EEFSEC: variants seen among roughly 807,000 people sequenced by gnomAD.
The protein encoded by EEFSEC is eukaryotic elongation factor, selenocysteine-tRNA specific.
EEFSEC carries 43 observed loss-of-function variants against 42.1 expected under a neutral mutation model. The ratio of observed to expected loss-of-function variants is 1.02; its 90% CI spans 0.80 to 1.32. The LOEUF is 1.32. EEFSEC is among the 40% of genes most tolerant of loss of function. EEFSEC has a pLI of 0.00. For missense variants in EEFSEC, 745 were observed against 803.6 expected (o/e 0.93, Z 0.88); for synonymous variants, 354 against 339.1 (o/e 1.04, Z -0.48).
chr3:128,324,747 T>C (rs1576638095), intron 4 of EEFSEC, among the ~76,000 whole-genome samples: 1 of 152,230 alleles, frequency 6.6e-6, no homozygotes, highest in Non-Finnish European at 1.5e-5. Context: ...CAATTCTTTT[T>C]GGTGGAGTTA....
intron 1 of EEFSEC, among the ~76,000 whole-genome samples, chr3:128,211,646 G>A (rs1210276558): frequency 6.6e-6 from 1 of 151,398 alleles, no homozygotes; most frequent in Non-Finnish European, 1.5e-5. Context: ...CCCCCAAGTA[G>A]CTGGGACTAC....
chr3:128,407,581 G>A (rs1056807090), intron 6 of EEFSEC, among the ~76,000 whole-genome samples: 1 of 152,182 alleles, frequency 6.6e-6, no homozygotes, highest in African/African-American at 2.4e-5. Flanking sequence ...AGGGAGCCAG[G>A]GATACACACC....
At chr3:128,326,969 A>G (rs895775428) in intron 4 of EEFSEC, among the ~76,000 whole-genome samples, 2 of 152,056 alleles carry the variant, frequency 1.3e-5, no homozygotes, top group African/African-American at 4.8e-5. Context: ...TGTTGTGTAA[A>G]TGTGTGAATG....
intron 6 of EEFSEC, among the ~76,000 whole-genome samples, chr3:128,375,678 G>A (rs1205250906): frequency 6.6e-6 from 1 of 152,176 alleles, no homozygotes; most frequent in African/African-American, 2.4e-5. Context: ...GGTCCTCAAT[G>A]TTCTCCTCCT....
intron 1 of EEFSEC, among the ~76,000 whole-genome samples, chr3:128,198,987 G>A (rs1328917216): frequency 1.3e-5 from 2 of 151,926 alleles, no homozygotes; most frequent in African/African-American, 2.4e-5. Flanking sequence ...ATGCGCCACC[G>A]CACCCAGCTA....
At chr3:128,193,167 A>T in intron 1 of EEFSEC, among the ~76,000 whole-genome samples, 1 of 152,196 alleles carries the variant, frequency 6.6e-6, no homozygotes, top group East Asian at 1.9e-4. Flanking sequence ...GACTTCACTT[A>T]TGCTGTCCTT....
At chr3:128,393,479 A>T (rs1025429189) in intron 6 of EEFSEC, among the ~76,000 whole-genome samples, 1 of 152,206 alleles carries the variant, frequency 6.6e-6, no homozygotes. Flanking sequence ...CTTGGAGCCC[A>T]GGCTTCTGAG....
chr3:128,333,895 G>T (rs2067161187), intron 4 of EEFSEC, among the ~76,000 whole-genome samples: 1 of 152,248 alleles, frequency 6.6e-6, no homozygotes, highest in Non-Finnish European at 1.5e-5. Context: ...GCCAGAAGGA[G>T]TATCGAGCTC....
chr3:128,413,906 G>A, the EEFSEC span, among the ~76,000 whole-genome samples: 1 of 152,240 alleles, frequency 6.6e-6, no homozygotes, highest in Non-Finnish European at 1.5e-5. Flanking sequence ...GTCCTGTGGA[G>A]CCACCTGAAG....
downstream of EEFSEC, among the ~76,000 whole-genome samples, chr3:128,413,630 ATG>A (rs1308287056): frequency 1.3e-5 from 2 of 152,108 alleles, no homozygotes; most frequent in Non-Finnish European, 2.9e-5. Context: ...ACTGGCCCCC[ATG>A]AGGGAGACAG....
At chr3:128,246,146 T>C (rs2066124323) in intron 1 of EEFSEC, among the ~76,000 whole-genome samples, 1 of 152,236 alleles carries the variant, frequency 6.6e-6, no homozygotes, top group Non-Finnish European at 1.5e-5. Context: ...TTTCCCTTCA[T>C]TCACTTTCTG....
At chr3:128,201,151 C>T (rs960655202) in intron 1 of EEFSEC, among the ~76,000 whole-genome samples, 1 of 152,014 alleles carries the variant, frequency 6.6e-6, no homozygotes, top group African/African-American at 2.4e-5. Flanking sequence ...ATACTAATTC[C>T]ATTTTCCTTC....
intron 1 of EEFSEC, among the ~76,000 whole-genome samples, chr3:128,154,174 C>T (rs776057197): frequency 6.6e-6 from 1 of 151,506 alleles, no homozygotes; most frequent in African/African-American, 2.4e-5. Flanking sequence ...GGTATACATA[C>T]AAAGGCTGTC....
At chr3:128,255,513 C>T (rs1226515816) in intron 2 of EEFSEC, among the ~76,000 whole-genome samples, 2 of 152,174 alleles carry the variant, frequency 1.3e-5, no homozygotes, top group Non-Finnish European at 2.9e-5. Flanking sequence ...GGTCTGGTGC[C>T]CCAGCCCCTC....
chr3:128,376,288 G>A (rs531993630), intron 6 of EEFSEC, among the ~76,000 whole-genome samples: 61 of 152,298 alleles, frequency 4.0e-4, no homozygotes, highest in African/African-American at 1.3e-3. Context: ...AGAAGTAGGC[G>A]GAAACAGCAG....
chr3:128,160,806 GCA>G lies in EEFSEC; in HGVS notation c.316+7001_316+7002del, dbSNP rs148477795. On this transcript the variant is annotated intron_variant, in intron 1 of 6. Transcript: ENST00000254730. ...CCACTGTGTGCGCACACACACGCGC[GCA>G]CACACACACACACACACGAATCCTA... is the stretch of plus-strand genomic sequence containing the variant. 5.4e-3 allele frequency among the ~76,000 whole-genome samples: 811 copies of G among 149,476 alleles called. 7 individuals are homozygous for G. The highest frequency in any genetic ancestry group is 0.017 in the African/African-American group (689 of 40,910).
At chr3:128,216,992 G>C (rs1036225539) in intron 1 of EEFSEC, among the ~76,000 whole-genome samples, 1 of 152,134 alleles carries the variant, frequency 6.6e-6, no homozygotes, top group Non-Finnish European at 1.5e-5. Flanking sequence ...TCATATGTTA[G>C]TATTATAGTA....
chr3:128,282,109 G>A lies in EEFSEC; in HGVS notation c.786+17328G>A, dbSNP rs1370265166. 2.0e-5 allele frequency among the ~76,000 whole-genome samples: 3 copies of A among 152,336 alleles called. No homozygotes were observed. In the East Asian group the frequency reaches 5.8e-4, roughly 29 times the overall value. On this transcript the variant is annotated intron_variant, in intron 4 of 6. Coordinates refer to ENST00000254730, the MANE Select transcript of EEFSEC (RefSeq NM_021937.5). ...CCTGCCCACCAGGGCCCAGAGGAGG[G>A]GCTACCTGGAGCAAGGGTGCCTGGA...
intron 5 of EEFSEC, among the ~76,000 whole-genome samples, chr3:128,342,942 G>A (rs2067272153): frequency 6.6e-6 from 1 of 152,256 alleles, no homozygotes; most frequent in South Asian, 2.1e-4. Flanking sequence ...TCTTCTAGAA[G>A]GCTAGCTCCC....
Sources: allele counts gnomAD v4.1 joint callset (sites outside exome capture counted in the v4.1 genomes callset), GRCh38; gene constraint gnomAD v4.1.1; transcripts MANE v1.5; gene names NCBI Gene and HGNC (gene_info 2026-07-23, HGNC 2026-07-21).